Variants in HBS1L observed in about 807,000 individuals in gnomAD.
HBS1L encodes HBS1-like protein.
A neutral mutation model predicts 88.9 loss-of-function variants in HBS1L; 55 were observed. That is an observed-to-expected ratio of 0.62 (90% CI 0.50 to 0.77). The LOEUF is 0.77. Among genes scored for constraint, HBS1L ranks in the 30% least tolerant of loss-of-function variants. HBS1L has a pLI of 0.00. For synonymous variants in HBS1L, 267 were observed against 288.5 expected, an observed-to-expected ratio of 0.93 and a Z score of 0.76; for missense variants, 741 against 829.3, an observed-to-expected ratio of 0.89 and a Z score of 1.31.
At chr6:135,019,938 A>T (rs933968843) in intron 4 of HBS1L, among the ~76,000 whole-genome samples, 4 of 151,874 alleles carry the variant, frequency 2.6e-5, no homozygotes, top group Non-Finnish European at 5.9e-5. Context: ...TTGTAGTTTG[A>T]TCTAGCTTGA....
At chr6:135,053,750 T>C (rs1777158322) in intron 1 of HBS1L, among the ~76,000 whole-genome samples, 1 of 152,270 alleles carries the variant, frequency 6.6e-6, no homozygotes, top group African/African-American at 2.4e-5. Flanking sequence ...TCGTAAAGCA[T>C]AGTTCTTTAT....
chr6:135,044,690 G>A (rs1776854706), intron 2 of HBS1L, among the ~76,000 whole-genome samples: 1 of 152,156 alleles, frequency 6.6e-6, no homozygotes, highest in Non-Finnish European at 1.5e-5. Context: ...CATAAATGAT[G>A]CCCTTTGGTC....
At chr6:135,040,338 G>A (rs1776691190) in intron 3 of HBS1L, among the ~76,000 whole-genome samples, 1 of 128,546 alleles carries the variant, frequency 7.8e-6, no homozygotes, top group Non-Finnish European at 1.6e-5. Flanking sequence ...GGGGAGGATA[G>A]GCATTCTTTT....
chr6:134,974,213 GA>G (rs1429828695), intron 15 of HBS1L, among the ~76,000 whole-genome samples: 1 of 151,760 alleles, frequency 6.6e-6, no homozygotes, highest in Non-Finnish European at 1.5e-5. Flanking sequence ...GAAGAAATAA[GA>G]AATCCTAAAC....
rs149107367 is a variant in HBS1L, at chr6:135,051,699, T to C, written c.44-1052A>G. On this transcript the variant is annotated intron_variant, in intron 1 of 17. Coordinates refer to ENST00000367837, the MANE Select transcript of HBS1L (RefSeq NM_006620.4). The stretch of plus-strand genomic sequence containing the variant: ...TCAGCTTCTTCAGGGCAAGACTTGG[T>C]TTAGCCAACTACCTGGCACATATGG... 9.3e-4 allele frequency among the ~76,000 whole-genome samples: 142 copies of C among 152,340 alleles called. 2 individuals carry two copies. In the East Asian group the frequency reaches 0.025, roughly 27 times the overall value.
intron 4 of HBS1L, among the ~76,000 whole-genome samples, chr6:135,008,904 T>C (rs2114829957): frequency 6.6e-6 from 1 of 152,274 alleles, no homozygotes; most frequent in Non-Finnish European, 1.5e-5. Context: ...GTTTAATGAT[T>C]AATCCCTAAG....
intron 13 of HBS1L, chr6:134,979,557 T>C (rs1003464992): frequency 7.0e-6 from 2 of 286,272 alleles, no homozygotes; most frequent in Non-Finnish European, 1.3e-5. Flanking sequence ...AATTGGTATA[T>C]TCATTAAACA....
chr6:134,980,756 TA>T (rs35277818), intron 13 of HBS1L, among the ~76,000 whole-genome samples: 69,536 of 147,834 alleles, frequency 0.47, 16,348 homozygotes, highest in South Asian at 0.56. Context: ...GTTAATAAAG[TA>T]AAAAAAAAAA....
At chr6:135,002,617 C>T (rs2114815936) in intron 5 of HBS1L, 117 bp downstream of exon 5, 3 of 623,874 alleles carry the variant, frequency 4.8e-6, no homozygotes, top group Non-Finnish European at 8.7e-6. Flanking sequence ...ATATATGATA[C>T]TTCAGTGCTA....
rs1046711907 is a variant in HBS1L, at chr6:134,964,757, T to C, written c.*522A>G. On this transcript the variant is annotated 3_prime_UTR_variant, in exon 18 of 18. Transcript: ENST00000367837. ...AAGTTTACTTGTTTGGGGAGGGACA[T>C]TCTTATGGTCACCACAAAATACTTT... is the stretch of plus-strand genomic sequence containing the variant. 1 of 151,834 alleles carries C rather than the reference T, an allele frequency of 6.6e-6. No individual in the cohort carries two copies. Among genetic ancestry groups the C allele is most frequent in the Admixed American group, 6.6e-5 (1 of 15,192 alleles). 9.4% of individuals were successfully genotyped at this position (151,834 alleles called of 1,614,324 possible).
At chr6:135,053,044 T>A (rs1777136144) in intron 1 of HBS1L, among the ~76,000 whole-genome samples, 1 of 152,182 alleles carries the variant, frequency 6.6e-6, no homozygotes, top group Admixed American at 6.5e-5. Flanking sequence ...GGGATGAACC[T>A]CCTTAATGTT....
chr6:135,020,439 T>C (rs955471151), intron 4 of HBS1L, among the ~76,000 whole-genome samples: 4 of 151,966 alleles, frequency 2.6e-5, no homozygotes, highest in African/African-American at 9.7e-5. Context: ...TATAACAGCA[T>C]GTTCAATGCA....
chr6:134,997,661 A>G lies in HBS1L; in HGVS notation c.540-5T>C, dbSNP rs1342575344. On this transcript the variant is annotated splice_polypyrimidine_tract_variant and splice_region_variant and intron_variant, in intron 5 of 17. Coordinates refer to ENST00000367837, the MANE Select transcript of HBS1L (RefSeq NM_006620.4). ...CCATTTTCTTCAGAAGATACTCTAC[A>G]GAAGGCAGATAGGAAAAAAGTATTT... 7 of 1,613,336 alleles carry G rather than the reference A, an allele frequency of 4.3e-6. No homozygotes were observed. The highest frequency in any genetic ancestry group is 2.7e-5 in the African/African-American group (2 of 74,886).
At chr6:135,042,392 T>C (rs912033983) in intron 2 of HBS1L, among the ~76,000 whole-genome samples, 3 of 152,224 alleles carry the variant, frequency 2.0e-5, no homozygotes, top group Admixed American at 2.0e-4. Flanking sequence ...ACTTTCTCCC[T>C]GGTTTCCAAA....
Position 134,963,366 on chromosome 6 carries a change from G to A in HBS1L, c.*1913C>T, listed in dbSNP as rs983032318. On this transcript the variant is annotated 3_prime_UTR_variant, in exon 18 of 18. Transcript: ENST00000367837. Reference sequence around the variant, plus strand: ...TGCCCTGGATGGGAGATCTGAGGATGTAAGTGTGGAATTATCACATCTTGT... The same window carrying A: ...TGCCCTGGATGGGAGATCTGAGGATATAAGTGTGGAATTATCACATCTTGT... 6.6e-6 allele frequency: 1 copy of A among 152,226 alleles called. No homozygotes were observed. The highest frequency in any genetic ancestry group is 6.5e-5 in the Admixed American group (1 of 15,282). 9.4% of individuals were successfully genotyped at this position (152,226 alleles called of 1,614,324 possible).
chr6:135,036,161 TCA>T, intron 4 of HBS1L: 1 of 802,320 alleles, frequency 1.2e-6, no homozygotes, highest in Non-Finnish European at 1.5e-6. Flanking sequence ...AGAATAATCT[TCA>T]CACTAAACTA....
At chr6:134,999,391 T>C (rs1194865955) in intron 5 of HBS1L, among the ~76,000 whole-genome samples, 1 of 152,010 alleles carries the variant, frequency 6.6e-6, no homozygotes, top group Non-Finnish European at 1.5e-5. Flanking sequence ...ACATGAAAGG[T>C]TTGTTTTCCT....
chr6:135,020,532 G>A (rs537339692), intron 4 of HBS1L, among the ~76,000 whole-genome samples: 2 of 152,084 alleles, frequency 1.3e-5, no homozygotes, highest in South Asian at 2.1e-4. Flanking sequence ...TTTATCCACT[G>A]TCAATGAATG....
intron 8 of HBS1L, among the ~76,000 whole-genome samples, chr6:134,990,329 C>T (rs1391266988): frequency 6.6e-6 from 1 of 152,174 alleles, no homozygotes; most frequent in Admixed American, 6.6e-5. Context: ...TATATCTTCT[C>T]TGTTCTTGCA....
Sources: gnomAD v4.1 joint callset for allele counts (sites outside exome capture counted in the v4.1 genomes callset) on GRCh38, gnomAD v4.1.1 for gene constraint, MANE v1.5 for transcripts, NCBI Gene and HGNC (gene_info 2026-07-23, HGNC 2026-07-21) for gene names.